TAFA5: variants seen among roughly 807,000 people sequenced by gnomAD.
The protein encoded by TAFA5 is chemokine-like protein TAFA-5.
A neutral mutation model predicts 15.3 loss-of-function variants in TAFA5; 6 were observed. The ratio of observed to expected loss-of-function variants is 0.39; its 90% CI spans 0.21 to 0.77. The LOEUF is 0.77. Among genes scored for constraint, TAFA5 ranks in the 30% least tolerant of loss-of-function variants. The pLI is 0.41. For missense variants in TAFA5, 161 were observed against 193.1 expected (o/e 0.83, Z 0.98); for synonymous variants, 103 against 80.7 (o/e 1.28, Z -1.48).
chr22:48,490,819 A>T lies in TAFA5; in HGVS notation c.112+1115A>T, dbSNP rs1291963905. Among the ~76,000 whole-genome samples, 1 of 114,580 alleles carries T rather than the reference A, an allele frequency of 8.7e-6. No homozygotes were observed. Among genetic ancestry groups the T allele is most frequent in the African/African-American group, 4.7e-5 (1 of 21,140 alleles). 75.2% of individuals were successfully genotyped at this position (114,580 alleles called of 152,430 possible). On this transcript the variant is annotated intron_variant, in intron 1 of 3. Transcript: ENST00000402357. The surrounding 1 kb of genome is among the most constrained non-coding windows in gnomAD (Gnocchi z 5.8). ...AGGCCAGCACCGAACCTCCCTCCAC[A>T]GACACCACCTCCTCCAGAGCCCCGG...
At chr22:48,524,213 C>T (rs1488256663) in intron 1 of TAFA5, among the ~76,000 whole-genome samples, 1 of 152,228 alleles carries the variant, frequency 6.6e-6, no homozygotes, top group East Asian at 1.9e-4. Flanking sequence ...TCCATCTCCA[C>T]GGGCCTCAGG....
At chr22:48,696,822 G>C (rs1928727450) in intron 2 of TAFA5, among the ~76,000 whole-genome samples, 1 of 152,248 alleles carries the variant, frequency 6.6e-6, no homozygotes, top group Admixed American at 6.5e-5. Context: ...TGTGTGCAAG[G>C]CCTGGCCTGC....
chr22:48,610,216 G>T (rs919085276), intron 1 of TAFA5, among the ~76,000 whole-genome samples: 1 of 152,062 alleles, frequency 6.6e-6, no homozygotes, highest in East Asian at 1.9e-4. Flanking sequence ...CTGCACTGCT[G>T]CAGGCACGTT....
chr22:48,637,957 G>A (rs1214248550), intron 1 of TAFA5, among the ~76,000 whole-genome samples: 3 of 152,084 alleles, frequency 2.0e-5, no homozygotes, highest in East Asian at 1.9e-4. Context: ...GTCCTGCCCG[G>A]GGGTCACTGC....
intron 2 of TAFA5, among the ~76,000 whole-genome samples, chr22:48,659,728 C>T (rs575598963): frequency 1.9e-4 from 27 of 145,708 alleles, no homozygotes; most frequent in Non-Finnish European, 2.7e-4. Flanking sequence ...GGAAGGCCTC[C>T]GTCCCTGGCC....
rs1197407772 is a variant in TAFA5, at chr22:48,598,137, G to A, written c.113-48460G>A. On this transcript the variant is annotated intron_variant, in intron 1 of 3. Transcript: ENST00000402357. This position sits in a 1 kb window ranked among gnomAD's most constrained non-coding sequence, Gnocchi z 4.0. ...AGACGCAGCGAGAGGTGCAGCTGGCGTCGTGAGGCCTCCGCTGGAGAATTC... is the reference window on the plus strand; with the variant it reads ...AGACGCAGCGAGAGGTGCAGCTGGCATCGTGAGGCCTCCGCTGGAGAATTC... Among the ~76,000 whole-genome samples the A allele has an allele frequency of 6.6e-6, 1 of 152,194 alleles. No individual in the cohort carries two copies. Among genetic ancestry groups the A allele is most frequent in the African/African-American group, 2.4e-5 (1 of 41,440 alleles).
chr22:48,695,573 G>C (rs576358103), intron 2 of TAFA5, among the ~76,000 whole-genome samples: 17 of 152,352 alleles, frequency 1.1e-4, no homozygotes, highest in African/African-American at 3.6e-4. Context: ...CACCACTTGT[G>C]CCTGTCTGTC....
At chr22:48,638,544 A>G (rs534430968) in intron 1 of TAFA5, among the ~76,000 whole-genome samples, 23 of 124,044 alleles carry the variant, frequency 1.9e-4, no homozygotes, top group African/African-American at 7.0e-4. Flanking sequence ...AAGCCCTGGG[A>G]CACCACACAC....
chr22:48,579,468 G>A (rs1253084178), intron 1 of TAFA5, among the ~76,000 whole-genome samples: 1 of 152,204 alleles, frequency 6.6e-6, no homozygotes, highest in East Asian at 1.9e-4. Context: ...GTTAAAGTGG[G>A]GGACGAGGGC....
chr22:48,612,593 A>C (rs1925450306), intron 1 of TAFA5, among the ~76,000 whole-genome samples: 1 of 150,162 alleles, frequency 6.7e-6, no homozygotes, highest in African/African-American at 2.5e-5. Context: ...CCCCCGCCCC[A>C]CCTGTCTGCT....
intron 2 of TAFA5, among the ~76,000 whole-genome samples, chr22:48,656,144 C>T (rs944426181): frequency 5.9e-5 from 9 of 151,994 alleles, no homozygotes; most frequent in South Asian, 2.1e-4. Flanking sequence ...GCCCGGCCGA[C>T]GCTGATTCTT....
intron 1 of TAFA5, among the ~76,000 whole-genome samples, chr22:48,521,670 C>T (rs994273515): frequency 2.0e-4 from 31 of 152,226 alleles, no homozygotes; most frequent in African/African-American, 6.5e-4. Flanking sequence ...ACGGAGGATG[C>T]GTGGCCACAG....
At chr22:48,573,674 C>G (rs948259853) in intron 1 of TAFA5, among the ~76,000 whole-genome samples, 1 of 152,232 alleles carries the variant, frequency 6.6e-6, no homozygotes, top group Non-Finnish European at 1.5e-5. Context: ...TATGGAGGTC[C>G]TCCTGTCCCA....
chr22:48,646,742 G>A lies in TAFA5; in HGVS notation c.258G>A (p.Val86=), dbSNP rs370909621. ...CCACGAGAGCCCGGCCCGCCTGTGT[G>A]GACGGTAAGCACCCGTGGCCCCAGG... The part of the protein sequence containing the change: ...AGTTRARPAC[V]DARIIKTKQW... Residue 86 remains valine (V), a synonymous_variant, in exon 2 of 4, where the codon GTG becomes GTA. Coordinates refer to ENST00000402357, the MANE Select transcript of TAFA5 (RefSeq NM_001082967.3). The A allele has an allele frequency of 1.3e-6, 2 of 1,577,082 alleles. No homozygotes were observed. Among genetic ancestry groups the A allele is most frequent in the East Asian group, 2.3e-5 (1 of 43,658 alleles).
rs1018451536 is a variant in TAFA5 at position 48,566,115 on chromosome 22, T to TGATG, written c.112+76424_112+76427dup. Among the ~76,000 whole-genome samples, 1 of 151,458 alleles carries TGATG rather than the reference T, an allele frequency of 6.6e-6. No homozygotes were observed. The highest frequency in any genetic ancestry group is 1.5e-5 in the Non-Finnish European group (1 of 67,868). The stretch of plus-strand genomic sequence containing the variant: ...TGATAGGTGGATATGGATAGATAGA[T>TGATG]GATGGATGGATGGATGATGAATGGA... On this transcript the variant is annotated intron_variant, in intron 1 of 3. Transcript: ENST00000402357. This position sits in a 1 kb window ranked among gnomAD's most constrained non-coding sequence, Gnocchi z 4.5.
At chr22:48,641,449 C>T (rs1264797329) in intron 1 of TAFA5, among the ~76,000 whole-genome samples, 3 of 152,052 alleles carry the variant, frequency 2.0e-5, no homozygotes, top group African/African-American at 4.8e-5. Context: ...TTTTGCCACA[C>T]GATGATGTCA....
chr22:48,744,406 G>T (rs1256174478), intron 3 of TAFA5, among the ~76,000 whole-genome samples: 2 of 152,218 alleles, frequency 1.3e-5, no homozygotes, highest in African/African-American at 4.8e-5. Flanking sequence ...GTGAGATGAA[G>T]GCTGGAGCGG....
chr22:48,655,158 G>A (rs1355852701), intron 2 of TAFA5, among the ~76,000 whole-genome samples: 1 of 152,120 alleles, frequency 6.6e-6, no homozygotes, highest in Non-Finnish European at 1.5e-5. Context: ...ATGAGTGGGG[G>A]TCCACTCCAC....
chr22:48,588,788 C>T (rs1924453313), intron 1 of TAFA5, among the ~76,000 whole-genome samples: 1 of 152,136 alleles, frequency 6.6e-6, no homozygotes, highest in South Asian at 2.1e-4. Flanking sequence ...GCAGAAGACT[C>T]AGGAATCTGT....
Sources: gnomAD v4.1 joint callset for allele counts (sites outside exome capture counted in the v4.1 genomes callset) on GRCh38, gnomAD v4.1.1 for gene constraint, Gnocchi (gnomAD v3.1) non-coding constraint, MANE v1.5 for transcripts, NCBI Gene and HGNC (gene_info 2026-07-23, HGNC 2026-07-21) for gene names.